PPP1R12B: variants seen among roughly 807,000 people sequenced by gnomAD.
PPP1R12B encodes the protein protein phosphatase 1 regulatory subunit 12B.
In PPP1R12B, 76 loss-of-function variants were observed where a neutral mutation model predicts 126.1. The ratio of observed to expected loss-of-function variants is 0.60; its 90% CI spans 0.50 to 0.73. The LOEUF is 0.73. PPP1R12B is among the 30% of genes least tolerant of loss of function. The pLI is 0.00. For synonymous variants in PPP1R12B, 356 were observed against 434.7 expected (o/e 0.82, Z 2.25); for missense variants, 1,052 against 1,205.1 (o/e 0.87, Z 1.88).
Position 202,431,472 on chromosome 1 carries a change from T to A in PPP1R12B, c.1002-8T>A. 6.3e-7 allele frequency: 1 copy of A among 1,584,544 alleles called. No homozygotes were observed. Among genetic ancestry groups the A allele is most frequent in the East Asian group, 2.3e-5 (1 of 44,436 alleles). On this transcript the variant is annotated splice_polypyrimidine_tract_variant and splice_region_variant and intron_variant, in intron 7 of 23. Coordinates refer to ENST00000608999, the MANE Select transcript of PPP1R12B (RefSeq NM_002481.4). ...TGAATTATACTCAAGTTGTCATCTT[T>A]AATTTAGCAAAGAGAAGATGCTCTA...
At chr1:202,563,822 C>T (rs966183385) in intron 20 of PPP1R12B, among the ~76,000 whole-genome samples, 4 of 152,042 alleles carry the variant, frequency 2.6e-5, no homozygotes, top group South Asian at 2.1e-4. Context: ...AATCCCAGCA[C>T]GTTGGGAGGG....
chr1:202,550,148 A>C (rs1052589233), intron 18 of PPP1R12B, among the ~76,000 whole-genome samples: 2 of 152,196 alleles, frequency 1.3e-5, no homozygotes, highest in African/African-American at 4.8e-5. Flanking sequence ...AAAAAGTTCT[A>C]CCCTATGTTA....
intron 1 of PPP1R12B, among the ~76,000 whole-genome samples, chr1:202,412,954 G>GAGT (rs1338833353): frequency 2.0e-5 from 3 of 152,088 alleles, no homozygotes; most frequent in African/African-American, 7.2e-5. Flanking sequence ...GCATACTTAT[G>GAGT]AACTATTTGT....
chr1:202,409,976 T>C (rs1571880386), intron 1 of PPP1R12B: 1 of 152,328 alleles, frequency 6.6e-6, no homozygotes, highest in East Asian at 1.9e-4. Flanking sequence ...TTTTTGCCCA[T>C]TTTTGAATCA....
chr1:202,556,530 G>A (rs1235253049), intron 18 of PPP1R12B, among the ~76,000 whole-genome samples: 2 of 151,888 alleles, frequency 1.3e-5, no homozygotes, highest in Non-Finnish European at 2.9e-5. Context: ...TATCTCTTCT[G>A]GATCTTTGTT....
In PPP1R12B at chr1:202,348,788, C is replaced by A; in HGVS notation, c.-64C>A. ...AGCGCTCTGAGAGAGGCGGCAGCGG[C>A]AACTCGAGCCCCAACAGTAATTTAG... is the stretch of plus-strand genomic sequence containing the variant. On this transcript the variant is annotated 5_prime_UTR_variant, in exon 1 of 24. Coordinates refer to ENST00000608999, the MANE Select transcript of PPP1R12B (RefSeq NM_002481.4). The A allele has an allele frequency of 2.0e-6, 3 of 1,519,814 alleles. No individual in the cohort carries two copies. The highest frequency in any genetic ancestry group is 2.6e-5 in the South Asian group (2 of 75,744). 94.1% of individuals were successfully genotyped at this position (1,519,814 alleles called of 1,614,324 possible).
chr1:202,355,608 G>A (rs1028897422), intron 1 of PPP1R12B, among the ~76,000 whole-genome samples: 3 of 152,174 alleles, frequency 2.0e-5, no homozygotes, highest in Non-Finnish European at 4.4e-5. Flanking sequence ...TCAGGCCAAG[G>A]TGGCTTGATG....
chr1:202,532,860 CTTTTTTTTTTT>C (rs375983770), intron 18 of PPP1R12B, among the ~76,000 whole-genome samples: 3 of 93,814 alleles, frequency 3.2e-5, no homozygotes, highest in East Asian at 6.2e-4. Flanking sequence ...ATCACATTCA[CTTTTTTTTTTT>C]TTTTTTTTTT....
intron 1 of PPP1R12B, among the ~76,000 whole-genome samples, chr1:202,416,033 C>T (rs200902440): frequency 1.3e-5 from 2 of 152,074 alleles, no homozygotes; most frequent in Admixed American, 1.3e-4. Flanking sequence ...TGGCTTCAGG[C>T]GATCCTCTGA....
At chr1:202,422,907 C>G (rs1224257576) in intron 3 of PPP1R12B, among the ~76,000 whole-genome samples, 169 bp downstream of exon 3, 1 of 152,210 alleles carries the variant, frequency 6.6e-6, no homozygotes, top group East Asian at 1.9e-4. Context: ...CATAATAACT[C>G]AGACAAGAAT....
chr1:202,405,098 T>C (rs980969795), intron 1 of PPP1R12B, among the ~76,000 whole-genome samples: 1 of 152,110 alleles, frequency 6.6e-6, no homozygotes, highest in Non-Finnish European at 1.5e-5. Context: ...CTGAGACAAA[T>C]TCTTAACCTG....
Position 202,389,345 on chromosome 1 carries a change from A to T in PPP1R12B, c.292-27442A>T, listed in dbSNP as rs1663697611. Among the ~76,000 whole-genome samples the T allele has an allele frequency of 1.3e-5, 2 of 152,190 alleles. 1 individual carries two copies. The highest frequency in any genetic ancestry group is 4.1e-4 in the South Asian group (2 of 4,826). On this transcript the variant is annotated intron_variant, in intron 1 of 23. Transcript: ENST00000608999. The stretch of plus-strand genomic sequence containing the variant: ...AGAGTAATGAACTCTTTATATAAAC[A>T]ATTTAAAAAATTTAACCGGCCGGGC...
At chr1:202,514,657 T>C (rs1681905352) in intron 18 of PPP1R12B, among the ~76,000 whole-genome samples, 1 of 152,204 alleles carries the variant, frequency 6.6e-6, no homozygotes, top group East Asian at 1.9e-4. Flanking sequence ...TAGCCAGTTA[T>C]CCCAGCACCA....
chr1:202,427,142 C>T lies in PPP1R12B; in HGVS notation c.804C>T (p.Ile268=). The T allele has an allele frequency of 6.2e-7, 1 of 1,614,168 alleles. No individual in the cohort carries two copies. The highest frequency in any genetic ancestry group is 8.5e-7 in the Non-Finnish European group (1 of 1,180,038). Residue 268 remains isoleucine, a synonymous_variant, in exon 5 of 24, where the codon ATC becomes ATT. Transcript: ENST00000608999. ...AHWGVKEACS[I]LAEALCDMDI... ...GGGGAGTGAAGGAGGCTTGCTCCAT[C>T]CTGGCAGAAGCACTTTGTGACATGG...
chr1:202,444,775 C>T (rs558407895), intron 12 of PPP1R12B, among the ~76,000 whole-genome samples: 92 of 152,286 alleles, frequency 6.0e-4, no homozygotes, highest in African/African-American at 2.0e-3. Flanking sequence ...TCAGTATCAT[C>T]TCTCTTCCTC....
At chr1:202,539,034 T>C (rs1041446820) in intron 18 of PPP1R12B, among the ~76,000 whole-genome samples, 2 of 152,228 alleles carry the variant, frequency 1.3e-5, no homozygotes, top group Non-Finnish European at 2.9e-5. Flanking sequence ...GAGCCAGAGC[T>C]TCAGTTTGCT....
intron 1 of PPP1R12B, among the ~76,000 whole-genome samples, chr1:202,384,272 C>T (rs962292321): frequency 2.6e-5 from 4 of 152,184 alleles, no homozygotes; most frequent in Admixed American, 6.5e-5. Flanking sequence ...CAGCATTATT[C>T]ACAATAACCA....
At chr1:202,412,925 A>G (rs1428792570) in intron 1 of PPP1R12B, among the ~76,000 whole-genome samples, 3 of 152,224 alleles carry the variant, frequency 2.0e-5, no homozygotes, top group Non-Finnish European at 4.4e-5. Context: ...CATACAATAT[A>G]TGACCAATTT....
At chr1:202,399,106 TC>T (rs1310842343) in intron 1 of PPP1R12B, among the ~76,000 whole-genome samples, 1 of 152,194 alleles carries the variant, frequency 6.6e-6, no homozygotes, top group African/African-American at 2.4e-5. Context: ...CAAGACAACC[TC>T]TGGATGCTTA....
Sources: allele counts gnomAD v4.1 joint callset (sites outside exome capture counted in the v4.1 genomes callset), GRCh38; gene constraint gnomAD v4.1.1; transcripts MANE v1.5; gene names NCBI Gene and HGNC (gene_info 2026-07-23, HGNC 2026-07-21).